Variants in SLC23A2 observed in about 807,000 individuals in gnomAD.
The protein encoded by SLC23A2 is Na(+)/L-ascorbic acid transporter 2.
In SLC23A2, 36 loss-of-function variants were observed where a neutral mutation model predicts 73.3. The ratio of observed to expected loss-of-function variants is 0.49; its 90% CI spans 0.38 to 0.65. The LOEUF is 0.65. Among genes scored for constraint, SLC23A2 ranks in the 30% least tolerant of loss-of-function variants. SLC23A2 has a pLI of 0.00. For synonymous variants in SLC23A2, 343 were observed against 327.3 expected (o/e 1.05, Z -0.52); for missense variants, 507 against 841.6 (o/e 0.60, Z 4.92).
intron 11 of SLC23A2, among the ~76,000 whole-genome samples, chr20:4,870,529 A>G (rs534495677): frequency 6.6e-6 from 1 of 152,088 alleles, no homozygotes; most frequent in Admixed American, 6.5e-5. Context: ...GTGAGCCAAG[A>G]CTGCGCCACT....
intron 4 of SLC23A2, among the ~76,000 whole-genome samples, chr20:4,903,225 T>G (rs1186746503): frequency 1.3e-5 from 2 of 152,198 alleles, no homozygotes; most frequent in Non-Finnish European, 2.9e-5. Context: ...TTTAAAACAT[T>G]AAGTGTGGCA....
intron 6 of SLC23A2, among the ~76,000 whole-genome samples, chr20:4,893,714 C>T (rs1931415961): frequency 6.6e-6 from 1 of 152,208 alleles, no homozygotes; most frequent in Non-Finnish European, 1.5e-5. Context: ...CTTGGCCAAA[C>T]CCTACCTTTT....
intron 1 of SLC23A2, among the ~76,000 whole-genome samples, chr20:4,994,566 C>T (rs1600215742): frequency 6.6e-6 from 1 of 152,002 alleles, no homozygotes; most frequent in Admixed American, 6.6e-5. Context: ...AGGTGGATCA[C>T]GAGGTCAGGA....
intron 2 of SLC23A2, among the ~76,000 whole-genome samples, chr20:4,951,853 T>C (rs1437271071): frequency 1.3e-5 from 2 of 152,034 alleles, no homozygotes; most frequent in Non-Finnish European, 1.5e-5. Context: ...CCTGTAATCC[T>C]AGCACTTTGG....
intron 2 of SLC23A2, among the ~76,000 whole-genome samples, chr20:4,961,485 A>G (rs6116600): frequency 0.049 from 7,486 of 152,272 alleles, 202 homozygotes; most frequent in South Asian, 0.061. Flanking sequence ...GGCCCAGGAC[A>G]GCTGTGAATG....
chr20:4,901,699 A>G (rs559477733), intron 5 of SLC23A2, among the ~76,000 whole-genome samples: 29 of 152,346 alleles, frequency 1.9e-4, no homozygotes, highest in Middle Eastern at 3.4e-3. Flanking sequence ...CCTTTAAAAA[A>G]TAAGACTGAA....
In SLC23A2 at chr20:4,899,840, G is replaced by A. The variant is rs1250749333; in HGVS notation, c.325-128C>T. On this transcript the variant is annotated intron_variant, in intron 5 of 16. Transcript: ENST00000338244. The surrounding 1 kb of genome is among the most constrained non-coding windows in gnomAD (Gnocchi z 4.9). The stretch of plus-strand genomic sequence containing the variant: ...ACATAAAGAATCTCCTTGGTTTTTC[G>A]ACCAAGCCATACTTTTTTCCTTCTT... The A allele has an allele frequency of 2.3e-5, 21 of 922,564 alleles. No homozygotes were observed. Among genetic ancestry groups the A allele is most frequent in the Non-Finnish European group, 3.1e-5 (19 of 617,694 alleles). The allele number at this position is 922,564 out of a possible 1,614,324, so 57.1% of individuals were successfully genotyped here. A position where few individuals can be genotyped will look rare whatever the true frequency, so the allele number is the denominator to read the frequency against.
chr20:4,954,713 A>AAAG (rs1555805248), intron 2 of SLC23A2, among the ~76,000 whole-genome samples: 13 of 150,228 alleles, frequency 8.7e-5, no homozygotes, highest in African/African-American at 3.2e-4. Context: ...AAAAAAAAAA[A>AAAG]AAAGAAAGAA....
intron 3 of SLC23A2, among the ~76,000 whole-genome samples, chr20:4,926,677 GACC>G (rs1330981515): frequency 1.3e-5 from 2 of 152,140 alleles, no homozygotes; most frequent in African/African-American, 4.8e-5. Context: ...TATCAACTCT[GACC>G]ACATGATCTA....
intron 1 of SLC23A2, among the ~76,000 whole-genome samples, chr20:4,997,511 C>G (rs1195578785): frequency 1.3e-5 from 2 of 151,960 alleles, no homozygotes; most frequent in Non-Finnish European, 2.9e-5. Flanking sequence ...CCACCACCAC[C>G]GAAAGAATTC....
intron 6 of SLC23A2, among the ~76,000 whole-genome samples, chr20:4,888,682 A>C (rs1931198131): frequency 6.6e-6 from 1 of 152,194 alleles, no homozygotes; most frequent in Admixed American, 6.5e-5. Flanking sequence ...CAGCTCCTTC[A>C]TACGAGTTCA....
At chr20:4,859,789 C>T (rs1929885742) in intron 15 of SLC23A2, among the ~76,000 whole-genome samples, 1 of 152,208 alleles carries the variant, frequency 6.6e-6, no homozygotes, top group Non-Finnish European at 1.5e-5. Context: ...CTGGCACCTG[C>T]AGTCATAGAA....
chr20:4,863,214 C>T lies in SLC23A2; in HGVS notation c.1357-307G>A, dbSNP rs566012078. ...TGCCCCTGCCTATCCCCTGGGTTCCCGGCACCACATGTCACCAAGGCAATT... is the reference window on the plus strand; with the variant it reads ...TGCCCCTGCCTATCCCCTGGGTTCCTGGCACCACATGTCACCAAGGCAATT... On this transcript the variant is annotated intron_variant, in intron 13 of 16. Coordinates refer to ENST00000338244, the MANE Select transcript of SLC23A2 (RefSeq NM_005116.6). This position sits in a 1 kb window ranked among gnomAD's most constrained non-coding sequence, Gnocchi z 4.8. Among the ~76,000 whole-genome samples, 232 of 152,164 alleles carry T rather than the reference C, an allele frequency of 1.5e-3. No homozygotes were observed. Among genetic ancestry groups the T allele is most frequent in the Non-Finnish European group, 2.8e-3 (191 of 68,026 alleles).
At chr20:4,891,244 C>G (rs143778596) in intron 6 of SLC23A2, among the ~76,000 whole-genome samples, 2 of 152,112 alleles carry the variant, frequency 1.3e-5, no homozygotes, top group Non-Finnish European at 2.9e-5. Context: ...AAGGACCTGA[C>G]AGTTGAAGAA....
At chr20:4,859,073 A>G (rs1929852249) in intron 16 of SLC23A2, among the ~76,000 whole-genome samples, 2 of 152,214 alleles carry the variant, frequency 1.3e-5, no homozygotes, top group African/African-American at 4.8e-5. Context: ...AAAGTCCTTC[A>G]GCACGAGAAA....
Position 4,856,942 on chromosome 20 carries a change from C to A in SLC23A2, c.*30G>T. 1 of 1,444,450 alleles carries A rather than the reference C, an allele frequency of 6.9e-7. No homozygotes were observed. Among genetic ancestry groups the A allele is most frequent in the Non-Finnish European group, 9.7e-7 (1 of 1,030,898 alleles). 89.5% of individuals were successfully genotyped at this position (1,444,450 alleles called of 1,614,324 possible). The stretch of plus-strand genomic sequence containing the variant: ...CAAGGAACTACAGATACATGCCTCA[C>A]TGCGGCCAGGCCACAGGGCACAGCA... On this transcript the variant is annotated 3_prime_UTR_variant, in exon 17 of 17. Coordinates refer to ENST00000338244, the MANE Select transcript of SLC23A2 (RefSeq NM_005116.6). This position sits in a 1 kb window ranked among gnomAD's most constrained non-coding sequence, Gnocchi z 4.6.
At chr20:4,896,678 C>T (rs995761654) in intron 6 of SLC23A2, among the ~76,000 whole-genome samples, 11 of 152,306 alleles carry the variant, frequency 7.2e-5, no homozygotes, top group South Asian at 6.2e-4. Context: ...CTATCCCACA[C>T]CCCTGAGGCT....
At chr20:5,006,378 G>T (rs1292719837), upstream of SLC23A2, among the ~76,000 whole-genome samples, 1 of 151,626 alleles carries the variant, frequency 6.6e-6, no homozygotes, top group African/African-American at 2.4e-5. Context: ...AATTACAGGC[G>T]TGAGCCACCG....
chr20:4,983,398 G>A (rs1362396090), intron 1 of SLC23A2, among the ~76,000 whole-genome samples: 1 of 152,156 alleles, frequency 6.6e-6, no homozygotes, highest in Non-Finnish European at 1.5e-5. Flanking sequence ...TGTAATCCCA[G>A]CACTTCGGGA....
Sources: allele counts gnomAD v4.1 joint callset (sites outside exome capture counted in the v4.1 genomes callset), GRCh38; gene constraint gnomAD v4.1.1; non-coding constraint Gnocchi (gnomAD v3.1); transcripts MANE v1.5; gene names NCBI Gene and HGNC (gene_info 2026-07-23, HGNC 2026-07-21).